The following SYAP1 variants were observed in gnomAD, a reference collection of about 807,000 sequenced individuals.
SYAP1 encodes synapse-associated protein 1.
Under a neutral mutation model 29.6 loss-of-function variants are expected in SYAP1, and 3 were observed. The ratio of observed to expected loss-of-function variants is 0.10; its 90% confidence interval spans 0.05 to 0.26. The LOEUF (loss-of-function observed/expected upper bound fraction) is 0.26. SYAP1 is among the 10% of genes least tolerant of loss of function. The probability of loss-of-function intolerance (pLI) is 1.00; values close to 1 mark genes in which losing one functional copy is unlikely to be tolerated. For synonymous variants in SYAP1, 102 were observed against 102.7 expected, an observed-to-expected ratio of 0.99 and a Z score of 0.04; for missense variants, 217 against 264.1, an observed-to-expected ratio of 0.82 and a Z score of 1.24.
intron 1 of SYAP1, among the ~76,000 whole-genome samples, chrX:16,726,030 G>C (rs930052104): frequency 9.0e-6 from 1 of 111,658 alleles, no homozygotes; most frequent in Non-Finnish European, 1.9e-5. Context: ...GGGTCAGGCT[G>C]CTATTTCTCG....
chrX:16,739,540 CT>C (rs1441140423), intron 3 of SYAP1, among the ~76,000 whole-genome samples: 1 of 101,345 alleles, frequency 9.9e-6, no homozygotes, highest in Non-Finnish European at 2.0e-5. Context: ...GCAGTGGCAC[CT>C]TCTCAGCTCA....
chrX:16,739,954 T>G (rs1926421830), intron 3 of SYAP1, among the ~76,000 whole-genome samples: 1 of 111,420 alleles, frequency 9.0e-6, no homozygotes, highest in Admixed American at 9.7e-5. Context: ...CCTGCCTGTG[T>G]GTCTTCTGTG....
intron 6 of SYAP1, among the ~76,000 whole-genome samples, chrX:16,755,494 G>A (rs1266064277): frequency 1.6e-4 from 17 of 108,512 alleles, no homozygotes; most frequent in Admixed American, 1.4e-3. Flanking sequence ...TCAAACATCC[G>A]TCATCTTCCC....
At chrX:16,741,020 C>G (rs1926447532) in intron 3 of SYAP1, among the ~76,000 whole-genome samples, 1 of 109,121 alleles carries the variant, frequency 9.2e-6, no homozygotes, top group East Asian at 2.9e-4. Context: ...CTGATATTTC[C>G]TCATAACTAG....
chrX:16,741,654 G>A (rs1602328198), intron 3 of SYAP1, 62 bp from the exon 4 acceptor site: 3 of 834,305 alleles, frequency 3.6e-6, no homozygotes, highest in Admixed American at 5.6e-5. Context: ...ACCATAGACT[G>A]CAGTGTAACC....
Position 16,740,124 on chromosome X carries a change from C to T in SYAP1, c.362-1592C>T, listed in dbSNP as rs774622754. Among the ~76,000 whole-genome samples, 7 of 111,104 alleles carry T rather than the reference C, an allele frequency of 6.3e-5. No homozygotes were observed. In the East Asian group the frequency reaches 2.0e-3, roughly 31 times the overall value. On this transcript the variant is annotated intron_variant, in intron 3 of 8. Coordinates refer to ENST00000380155, the MANE Select transcript of SYAP1 (RefSeq NM_032796.4). ...CTCCTCTTCCTAGTCCAAGATTGGG[C>T]TCCTAGGTCACCAGAAAATCTTGTA... is the stretch of plus-strand genomic sequence containing the variant.
rs1486632564 is a variant in SYAP1 at position 16,736,061 on chromosome X, G to A, written c.295-105G>A. On this transcript the variant is annotated intron_variant, in intron 2 of 8. Coordinates refer to ENST00000380155, the MANE Select transcript of SYAP1 (RefSeq NM_032796.4). ...GGAGTGAGTTTGTTTTTTGCAGTGG[G>A]CCTATGGCATTTCATTTATGTTGGT... is the stretch of plus-strand genomic sequence containing the variant. The A allele has an allele frequency of 7.4e-6, 4 of 538,379 alleles. No individual in the cohort carries two copies. In the East Asian group the frequency reaches 1.1e-4, roughly 14 times the overall value. 44.4% of individuals were successfully genotyped at this position (538,379 alleles called of 1,213,427 possible). A position where few individuals can be genotyped will look rare whatever the true frequency, so the allele number is the denominator to read the frequency against.
Position 16,762,125 on chromosome X carries a change from T to C in SYAP1, c.*1766T>C, listed in dbSNP as rs1455606671. The C allele has an allele frequency of 8.9e-6, 1 of 112,164 alleles. No individual in the cohort carries two copies. Among genetic ancestry groups the C allele is most frequent in the Non-Finnish European group, 1.9e-5 (1 of 53,294 alleles). 9.2% of individuals were successfully genotyped at this position (112,164 alleles called of 1,213,427 possible). On this transcript the variant is annotated 3_prime_UTR_variant, in exon 9 of 9. Transcript: ENST00000380155. ...ACTGGCAACTTCTGAAATAATCTCA[T>C]TGAAGGAAAGAGTTTCATTTTTTTT...
chrX:16,752,127 A>C (rs1307436939), intron 5 of SYAP1, among the ~76,000 whole-genome samples: 1 of 106,958 alleles, frequency 9.3e-6, no homozygotes, highest in East Asian at 2.9e-4. Context: ...CTACTGGCAC[A>C]TACCACCACA....
At chrX:16,742,913 C>T (rs935754609) in intron 4 of SYAP1, among the ~76,000 whole-genome samples, 1 of 103,598 alleles carries the variant, frequency 9.7e-6, no homozygotes, top group Admixed American at 1.1e-4. Flanking sequence ...ACACCCTGTC[C>T]GCTTCTATTT....
rs756774810 is a variant in SYAP1 at position 16,743,693 on chromosome X, T to A, written c.436-8T>A. 2 of 1,206,362 alleles carry A rather than the reference T, an allele frequency of 1.7e-6. No individual in the cohort carries two copies. Among genetic ancestry groups the A allele is most frequent in the Non-Finnish European group, 2.2e-6 (2 of 893,848 alleles). Reference sequence around the variant, plus strand: ...AATACCCTGTGTTTTTTTCTTTTTTTATCAAAGGACAAGAGGAATTTCCTT... The same window carrying A: ...AATACCCTGTGTTTTTTTCTTTTTTAATCAAAGGACAAGAGGAATTTCCTT... On this transcript the variant is annotated splice_region_variant and splice_polypyrimidine_tract_variant and intron_variant, in intron 4 of 8. Coordinates refer to ENST00000380155, the MANE Select transcript of SYAP1 (RefSeq NM_032796.4).
At chrX:16,754,800 A>G in intron 5 of SYAP1, 145 bp from the exon 6 acceptor site, 1 of 551,133 alleles carries the variant, frequency 1.8e-6, no homozygotes, top group Non-Finnish European at 3.0e-6. Context: ...GCTCTTGCAA[A>G]TCATCTACTC....
chrX:16,729,886 C>T (rs1926170761), intron 1 of SYAP1, among the ~76,000 whole-genome samples: 1 of 111,939 alleles, frequency 8.9e-6, no homozygotes, highest in Admixed American at 9.6e-5. Context: ...ATCAATCTTC[C>T]ACAACTTGCT....
intron 5 of SYAP1, among the ~76,000 whole-genome samples, chrX:16,751,576 CA>C (rs1926730948): frequency 9.3e-6 from 1 of 107,209 alleles, no homozygotes; most frequent in Non-Finnish European, 1.9e-5. Context: ...CAAAAACAAA[CA>C]AAAATAAAAT....
rs112712323 is a variant in SYAP1 at position 16,732,474 on chromosome X, A to G, written c.176-2753A>G. Among the ~76,000 whole-genome samples, 229 of 105,312 alleles carry G rather than the reference A, an allele frequency of 2.2e-3. 3 individuals carry two copies. Among genetic ancestry groups the G allele is most frequent in the African/African-American group, 7.6e-3 (216 of 28,431 alleles). The allele number at this position is 105,312 out of a possible 115,157, so 91.5% of individuals were successfully genotyped here. A position where few individuals can be genotyped will look rare whatever the true frequency, so the allele number is the denominator to read the frequency against. ...TTTTTAGTAGAGACGGGGTTTCACC[A>G]TGTTAGCCAGGATGGTCTCGATCTC... On this transcript the variant is annotated intron_variant, in intron 1 of 8. Coordinates refer to ENST00000380155, the MANE Select transcript of SYAP1 (RefSeq NM_032796.4).
At chrX:16,743,302 T>G (rs1024643540) in intron 4 of SYAP1, among the ~76,000 whole-genome samples, 1 of 105,504 alleles carries the variant, frequency 9.5e-6, no homozygotes, top group Non-Finnish European at 1.9e-5. Flanking sequence ...CATTATAGCC[T>G]GGGCGACAGA....
At position 16,760,184 on chromosome X, in the gene SYAP1, C is replaced by T. The variant is rs56360609; in HGVS notation, c.932-48C>T. 1,959 of 1,129,587 alleles carry T rather than the reference C, an allele frequency of 1.7e-3. 5 individuals carry two copies. The highest frequency in any genetic ancestry group is 1.8e-3 in the Non-Finnish European group (1,540 of 856,549). 93.1% of individuals were successfully genotyped at this position (1,129,587 alleles called of 1,213,427 possible). ...AGATGGACCGAATTGTGAACACCAG[C>T]ATTATGAATTCAGAGAGAATCTTTT... On this transcript the variant is annotated intron_variant, in intron 8 of 8. Coordinates refer to ENST00000380155, the MANE Select transcript of SYAP1 (RefSeq NM_032796.4).
At chrX:16,731,122 A>G (rs1015130005) in intron 1 of SYAP1, among the ~76,000 whole-genome samples, 5 of 111,731 alleles carry the variant, frequency 4.5e-5, no homozygotes, top group African/African-American at 1.6e-4. Context: ...TAACCTTTAA[A>G]TAAGCTTTGA....
chrX:16,742,507 C>T (rs141289325), intron 4 of SYAP1, among the ~76,000 whole-genome samples: 2,814 of 111,728 alleles, frequency 0.025, 50 homozygotes, highest in Middle Eastern at 0.046. Flanking sequence ...AGGCTGGTCT[C>T]GAGCTCCTGA....
Sources: gnomAD v4.1 joint callset for allele counts (sites outside exome capture counted in the v4.1 genomes callset) on GRCh38, gnomAD v4.1.1 for gene constraint, MANE v1.5 for transcripts, NCBI Gene and HGNC (gene_info 2026-07-23, HGNC 2026-07-21) for gene names.